SPAG16: variants seen among roughly 807,000 people sequenced by gnomAD.
SPAG16 encodes sperm associated antigen 16, also known as sperm-associated antigen 16 protein.
In SPAG16, 86 loss-of-function variants were observed where a neutral mutation model predicts 80.4. The ratio of observed to expected loss-of-function variants is 1.07; its 90% CI spans 0.90 to 1.28. The LOEUF (loss-of-function observed/expected upper bound fraction) is 1.28, where lower values mean the gene tolerates loss of function less well. SPAG16 is among the 50% of genes most tolerant of loss of function. The pLI, the probability that SPAG16 is intolerant of heterozygous loss-of-function variation, is 0.00. For synonymous variants in SPAG16, 294 were observed against 265.9 expected, an observed-to-expected ratio of 1.11 and a Z score of -1.03; for missense variants, 870 against 765.3, an observed-to-expected ratio of 1.14 and a Z score of -1.61.
chr2:214,384,010 T>C (rs1031262570), intron 15 of SPAG16, among the ~76,000 whole-genome samples: 1 of 152,218 alleles, frequency 6.6e-6, no homozygotes, highest in East Asian at 1.9e-4. Flanking sequence ...TTAATATATA[T>C]TTAAGACACT....
At chr2:214,129,534 T>C (rs2054657070) in intron 14 of SPAG16, among the ~76,000 whole-genome samples, 1 of 152,156 alleles carries the variant, frequency 6.6e-6, no homozygotes, top group African/African-American at 2.4e-5. Flanking sequence ...TGTCAACAGA[T>C]TTCACCAGAA....
chr2:214,013,120 G>C (rs1233901217), intron 12 of SPAG16, among the ~76,000 whole-genome samples: 2 of 151,414 alleles, frequency 1.3e-5, no homozygotes, highest in African/African-American at 2.4e-5. Context: ...TAATTCCCAG[G>C]CTCCATCATC....
intron 9 of SPAG16, among the ~76,000 whole-genome samples, chr2:213,442,932 T>C (rs886373468): frequency 6.6e-6 from 1 of 152,156 alleles, no homozygotes; most frequent in African/African-American, 2.4e-5. Context: ...TATTCTTCTC[T>C]GCCAAAGACA....
At chr2:214,406,873 C>A (rs887369221) in intron 15 of SPAG16, among the ~76,000 whole-genome samples, 2 of 151,912 alleles carry the variant, frequency 1.3e-5, no homozygotes, top group African/African-American at 4.8e-5. Flanking sequence ...AAAGTCTTGG[C>A]AGATAAAAAT....
chr2:213,380,832 C>T (rs918826305), intron 9 of SPAG16, among the ~76,000 whole-genome samples: 1 of 152,136 alleles, frequency 6.6e-6, no homozygotes, highest in African/African-American at 2.4e-5. Flanking sequence ...GCAGCCTGGA[C>T]CTGTTTCAGA....
chr2:213,946,312 A>G (rs2079463281), intron 12 of SPAG16, among the ~76,000 whole-genome samples: 1 of 151,984 alleles, frequency 6.6e-6, no homozygotes, highest in Admixed American at 6.6e-5. Flanking sequence ...ACGGGGTTTT[A>G]CCATATTGGC....
Position 213,663,745 on chromosome 2 carries a change from G to C in SPAG16, c.1070+173655G>C, listed in dbSNP as rs570063494. ...GCAACTAAATATCTAAAAATACAAA[G>C]TTGGTTAAGAGAATAATGGCTCATA... On this transcript the variant is annotated intron_variant, in intron 10 of 15. Transcript: ENST00000331683. Among the ~76,000 whole-genome samples, 9 of 152,208 alleles carry C rather than the reference G, an allele frequency of 5.9e-5. No homozygotes were observed. In the South Asian group the frequency reaches 1.9e-3, roughly 32 times the overall value.
At chr2:213,403,051 C>A (rs566314919) in intron 9 of SPAG16, among the ~76,000 whole-genome samples, 14,127 of 148,738 alleles carry the variant, frequency 0.095, 1,719 homozygotes, top group African/African-American at 0.29. Context: ...CCAACAGTGT[C>A]AAAGTGTTCC....
intron 10 of SPAG16, among the ~76,000 whole-genome samples, chr2:213,840,058 T>C (rs1467813862): frequency 1.3e-5 from 2 of 152,206 alleles, no homozygotes; most frequent in Non-Finnish European, 2.9e-5. Context: ...TGAGGGCTTC[T>C]AAAGCAGGCC....
At chr2:213,542,493 C>T (rs2076479983) in intron 10 of SPAG16, among the ~76,000 whole-genome samples, 1 of 151,904 alleles carries the variant, frequency 6.6e-6, no homozygotes, top group Non-Finnish European at 1.5e-5. Flanking sequence ...CAGTAAAATC[C>T]TCCCAGTAAG....
At chr2:213,812,136 C>T (rs765095347) in intron 10 of SPAG16, among the ~76,000 whole-genome samples, 1 of 152,002 alleles carries the variant, frequency 6.6e-6, no homozygotes, top group Non-Finnish European at 1.5e-5. Context: ...TCTGGTCTTA[C>T]AGAAAACTGT....
intron 11 of SPAG16, among the ~76,000 whole-genome samples, chr2:213,915,350 C>T (rs1039212062): frequency 5.9e-5 from 9 of 151,784 alleles, no homozygotes; most frequent in African/African-American, 2.2e-4. Flanking sequence ...TCATTGTTCA[C>T]CTCCCACTTA....
At chr2:213,334,495 T>A (rs528083757) in intron 5 of SPAG16, among the ~76,000 whole-genome samples, 3 of 152,308 alleles carry the variant, frequency 2.0e-5, no homozygotes, top group African/African-American at 7.2e-5. Flanking sequence ...ATCAAAGAGA[T>A]ATCTGCACTC....
intron 11 of SPAG16, among the ~76,000 whole-genome samples, chr2:213,866,920 A>C (rs1316433045): frequency 5.3e-5 from 8 of 152,230 alleles, no homozygotes; most frequent in African/African-American, 1.9e-4. Context: ...GAATGTGGAA[A>C]TCCTTTAAGT....
At chr2:213,812,697 A>G (rs1480006764) in intron 10 of SPAG16, among the ~76,000 whole-genome samples, 1 of 152,154 alleles carries the variant, frequency 6.6e-6, no homozygotes, top group Admixed American at 6.5e-5. Flanking sequence ...AATTCTGTTT[A>G]ACTTAATAGC....
At chr2:214,310,363 C>T (rs905202232) in intron 15 of SPAG16, among the ~76,000 whole-genome samples, 1 of 152,090 alleles carries the variant, frequency 6.6e-6, no homozygotes, top group Admixed American at 6.6e-5. Flanking sequence ...CTTGTTGTAG[C>T]TATACATTGG....
At chr2:214,322,018 C>A (rs1413939423) in intron 15 of SPAG16, among the ~76,000 whole-genome samples, 1 of 152,172 alleles carries the variant, frequency 6.6e-6, no homozygotes, top group Non-Finnish European at 1.5e-5. Flanking sequence ...AAAAGTTACA[C>A]CTGCATTTCT....
intron 10 of SPAG16, among the ~76,000 whole-genome samples, chr2:213,712,180 C>T (rs780279901): frequency 1.2e-4 from 18 of 151,904 alleles, no homozygotes; most frequent in East Asian, 1.9e-4. Flanking sequence ...TATAAGTATA[C>T]GTGTAATAGC....
chr2:213,548,547 A>AT (rs1559243496), intron 10 of SPAG16, among the ~76,000 whole-genome samples: 2 of 152,178 alleles, frequency 1.3e-5, no homozygotes, highest in African/African-American at 4.8e-5. Context: ...GTTTCTATCT[A>AT]TATGATAGGT....
Sources: gnomAD v4.1 joint callset for allele counts (sites outside exome capture counted in the v4.1 genomes callset) on GRCh38, gnomAD v4.1.1 for gene constraint, MANE v1.5 for transcripts, NCBI Gene and HGNC (gene_info 2026-07-23, HGNC 2026-07-21) for gene names.